The following SEPTIN9 variants were observed in gnomAD, a reference collection of about 807,000 sequenced individuals.
SEPTIN9 encodes the protein septin 9, also known as septin-9.
SEPTIN9 carries 13 observed loss-of-function variants against 56.6 expected under a neutral mutation model. The ratio of observed to expected loss-of-function variants is 0.23; its 90% confidence interval spans 0.15 to 0.37. The LOEUF (loss-of-function observed/expected upper bound fraction) is 0.37. Ranked by LOEUF, SEPTIN9 falls within the 10% of genes least tolerant of loss-of-function variation. The pLI, the probability that SEPTIN9 is intolerant of heterozygous loss-of-function variation, is 1.00. For missense variants in SEPTIN9, 650 were observed against 823.1 expected, an observed-to-expected ratio of 0.79 and a Z score of 2.57; for synonymous variants, 332 against 334.1, an observed-to-expected ratio of 0.99 and a Z score of 0.07.
At chr17:77,335,113 T>C (rs1330797805) in intron 2 of SEPTIN9, among the ~76,000 whole-genome samples, 4 of 152,052 alleles carry the variant, frequency 2.6e-5, no homozygotes, top group African/African-American at 9.7e-5. Flanking sequence ...TATGTGGTCC[T>C]GTATTAGTAT....
At chr17:77,363,379 C>CTTTTTTTTTT (rs34313886) in intron 2 of SEPTIN9, among the ~76,000 whole-genome samples, 1 of 66,614 alleles carries the variant, frequency 1.5e-5, no homozygotes, top group Non-Finnish European at 2.6e-5. Context: ...TTGGGCCTGT[C>CTTTTTTTTTT]TTTTTTTTTT....
chr17:77,492,937 C>T lies in SEPTIN9; in HGVS notation c.1477-43C>T. The T allele has an allele frequency of 6.6e-7, 1 of 1,526,538 alleles. No homozygotes were observed. The highest frequency in any genetic ancestry group is 8.9e-7 in the Non-Finnish European group (1 of 1,122,962). 94.6% of individuals were successfully genotyped at this position (1,526,538 alleles called of 1,614,324 possible). ...CCGGGGGCCCAGGGGAGGGAATTGC[C>T]TTCCCGCACATGTGTAACCAATACC... On this transcript the variant is annotated intron_variant, in intron 9 of 11. Transcript: ENST00000427177. This position sits in a 1 kb window ranked among gnomAD's most constrained non-coding sequence, Gnocchi z 5.4.
At chr17:77,293,873 G>A (rs1310169250) in intron 1 of SEPTIN9, among the ~76,000 whole-genome samples, 1 of 152,106 alleles carries the variant, frequency 6.6e-6, no homozygotes, top group Non-Finnish European at 1.5e-5. Flanking sequence ...GGAGGCCAAG[G>A]CAGGTGGATC....
At chr17:77,409,262 G>C (rs1467332371) in intron 3 of SEPTIN9, among the ~76,000 whole-genome samples, 5 of 146,974 alleles carry the variant, frequency 3.4e-5, no homozygotes, top group Non-Finnish European at 4.5e-5. Flanking sequence ...TCTAGAGTGG[G>C]AAGTCCCGCA....
intron 3 of SEPTIN9, among the ~76,000 whole-genome samples, chr17:77,481,193 G>A (rs1048639565): frequency 1.3e-5 from 2 of 152,232 alleles, no homozygotes; most frequent in Non-Finnish European, 2.9e-5. Flanking sequence ...ACCCGTGTGT[G>A]GTGTCTTAAC....
At chr17:77,412,954 G>A (rs2036356352) in intron 3 of SEPTIN9, among the ~76,000 whole-genome samples, 1 of 152,220 alleles carries the variant, frequency 6.6e-6, no homozygotes, top group East Asian at 1.9e-4. Flanking sequence ...TTTTCTTCTA[G>A]TACTTCTGTG....
Position 77,327,460 on chromosome 17 carries a change from C to G in SEPTIN9, c.76+20263C>G, listed in dbSNP as rs2033183709. ...GCATTGGCATAGATTCTGGGGCTGCCTTGGTTCAAGCCCACCCTGACTTGG... is the reference window on the plus strand; with the variant it reads ...GCATTGGCATAGATTCTGGGGCTGCGTTGGTTCAAGCCCACCCTGACTTGG... On this transcript the variant is annotated intron_variant, in intron 2 of 11. Transcript: ENST00000427177. The surrounding 1 kb of genome is among the most constrained non-coding windows in gnomAD (Gnocchi z 5.0). Among the ~76,000 whole-genome samples the G allele has an allele frequency of 6.6e-6, 1 of 152,164 alleles. No individual in the cohort carries two copies. Among genetic ancestry groups the G allele is most frequent in the Non-Finnish European group, 1.5e-5 (1 of 68,024 alleles).
chr17:77,494,059 G>C (rs1259761695), intron 10 of SEPTIN9, among the ~76,000 whole-genome samples: 1 of 151,750 alleles, frequency 6.6e-6, no homozygotes, highest in Non-Finnish European at 1.5e-5. Context: ...TTACAGGAAT[G>C]AGCCACCGAG....
intron 3 of SEPTIN9, among the ~76,000 whole-genome samples, chr17:77,409,798 A>G (rs917931023): frequency 2.0e-5 from 3 of 152,208 alleles, no homozygotes; most frequent in African/African-American, 7.2e-5. Flanking sequence ...CCAGACAGCC[A>G]TGCTCTGTGC....
At chr17:77,308,619 A>G (rs557657949) in intron 2 of SEPTIN9, among the ~76,000 whole-genome samples, 2 of 152,236 alleles carry the variant, frequency 1.3e-5, no homozygotes, top group Non-Finnish European at 2.9e-5. Flanking sequence ...ACTTATATCT[A>G]CGTGTGGCTA....
chr17:77,353,148 C>T (rs986240486), intron 2 of SEPTIN9, among the ~76,000 whole-genome samples: 15 of 152,106 alleles, frequency 9.9e-5, no homozygotes, highest in African/African-American at 3.6e-4. Context: ...ACAGAACGAA[C>T]GGCCTCTCCA....
chr17:77,445,789 AC>A lies in SEPTIN9; in HGVS notation c.722-36352del, dbSNP rs998884247. The A allele has an allele frequency of 1.3e-5, 3 of 223,512 alleles. No homozygotes were observed. The highest frequency in any genetic ancestry group is 2.3e-5 in the African/African-American group (1 of 43,200). The allele number at this position is 223,512 out of a possible 1,614,324, so 13.8% of individuals were successfully genotyped here. On this transcript the variant is annotated intron_variant, in intron 3 of 11. Coordinates refer to ENST00000427177, the MANE Select transcript of SEPTIN9 (RefSeq NM_001113491.2). The surrounding 1 kb of genome is among the most constrained non-coding windows in gnomAD (Gnocchi z 4.7). Reference sequence around the variant, plus strand: ...GGCCAATGGTGCTCCCTCCCCTGTGACCCTTCTGTTGGGTGGGTCACGAGGA... The same window carrying A: ...GGCCAATGGTGCTCCCTCCCCTGTGACCTTCTGTTGGGTGGGTCACGAGGA...
intron 1 of SEPTIN9, among the ~76,000 whole-genome samples, chr17:77,282,838 C>G (rs925034827): frequency 3.9e-5 from 6 of 152,212 alleles, no homozygotes; most frequent in African/African-American, 1.4e-4. Context: ...CCAACATGCT[C>G]CAAATACTTG....
Position 77,319,513 on chromosome 17 carries a change from A to G in SEPTIN9, c.76+12316A>G. 9.6e-7 allele frequency: 1 copy of G among 1,041,024 alleles called. No individual in the cohort carries two copies. Among genetic ancestry groups the G allele is most frequent in the Non-Finnish European group, 1.2e-6 (1 of 863,570 alleles). The allele number at this position is 1,041,024 out of a possible 1,614,324, so 64.5% of individuals were successfully genotyped here. On this transcript the variant is annotated intron_variant, in intron 2 of 11. Coordinates refer to ENST00000427177, the MANE Select transcript of SEPTIN9 (RefSeq NM_001113491.2). The surrounding 1 kb of genome is among the most constrained non-coding windows in gnomAD (Gnocchi z 5.3). ...CCTCTCTGCCTGGGCGGGGACGGCA[A>G]CTGCCTCTGTCACTGCAGACTAATG...
intron 2 of SEPTIN9, among the ~76,000 whole-genome samples, chr17:77,325,730 C>T (rs1038182975): frequency 2.0e-5 from 3 of 152,232 alleles, no homozygotes; most frequent in African/African-American, 7.2e-5. Flanking sequence ...AGCCCATTCT[C>T]TGCCTCCGCT....
At chr17:77,461,839 G>A (rs1002002751) in intron 3 of SEPTIN9, among the ~76,000 whole-genome samples, 1 of 152,174 alleles carries the variant, frequency 6.6e-6, no homozygotes, top group African/African-American at 2.4e-5. Context: ...CCCATGTTGC[G>A]GCTCTGGTGT....
At chr17:77,285,549 C>T (rs1215748441) in intron 1 of SEPTIN9, among the ~76,000 whole-genome samples, 1 of 152,160 alleles carries the variant, frequency 6.6e-6, no homozygotes, top group East Asian at 1.9e-4. Flanking sequence ...AGGCATGTGC[C>T]ACCGTGCCCA....
At chr17:77,464,757 C>T (rs1206955389) in intron 3 of SEPTIN9, among the ~76,000 whole-genome samples, 1 of 151,988 alleles carries the variant, frequency 6.6e-6, no homozygotes, top group Admixed American at 6.6e-5. Context: ...CCCACCACCA[C>T]ACCCGGCTAA....
At chr17:77,413,561 C>T (rs976817591) in intron 3 of SEPTIN9, among the ~76,000 whole-genome samples, 2 of 152,134 alleles carry the variant, frequency 1.3e-5, no homozygotes, top group African/African-American at 4.8e-5. Flanking sequence ...CTGGGATGCT[C>T]CATGTTGAGG....
Sources: allele counts gnomAD v4.1 joint callset (sites outside exome capture counted in the v4.1 genomes callset), GRCh38; gene constraint gnomAD v4.1.1; non-coding constraint Gnocchi (gnomAD v3.1); transcripts MANE v1.5; gene names NCBI Gene and HGNC (gene_info 2026-07-23, HGNC 2026-07-21).